VRK2: variants seen among roughly 807,000 people sequenced by gnomAD.
VRK2 encodes serine/threonine-protein kinase VRK2.
In VRK2, 60 loss-of-function variants were observed where a neutral mutation model predicts 57.6. The ratio of observed to expected loss-of-function variants is 1.04; its 90% CI spans 0.85 to 1.29. The LOEUF (loss-of-function observed/expected upper bound fraction) is 1.29, where lower values mean the gene tolerates loss of function less well. Among genes scored for constraint, VRK2 ranks in the 50% most tolerant of loss-of-function variants. The pLI, the probability that VRK2 is intolerant of heterozygous loss-of-function variation, is 0.00. For missense variants in VRK2, 705 were observed against 588.1 expected, an observed-to-expected ratio of 1.20 and a Z score of -2.06; for synonymous variants, 231 against 199.2, an observed-to-expected ratio of 1.16 and a Z score of -1.35.
chr2:57,946,603 A>C (rs555619236), intron 1 of VRK2, among the ~76,000 whole-genome samples: 1 of 152,278 alleles, frequency 6.6e-6, no homozygotes, highest in East Asian at 1.9e-4. Context: ...AAGAATCCTG[A>C]TTATCAATCA....
At chr2:57,930,392 C>G (rs1558498713) in intron 1 of VRK2, among the ~76,000 whole-genome samples, 1 of 152,160 alleles carries the variant, frequency 6.6e-6, no homozygotes, top group Non-Finnish European at 1.5e-5. Flanking sequence ...GCTCCCTCCC[C>G]CAAACACATA....
intron 1 of VRK2, among the ~76,000 whole-genome samples, chr2:57,933,972 CTATTT>C (rs1481214676): frequency 6.6e-6 from 1 of 152,100 alleles, no homozygotes; most frequent in Non-Finnish European, 1.5e-5. Context: ...GTCTAACAGT[CTATTT>C]TAGGTTGATA....
intron 1 of VRK2, among the ~76,000 whole-genome samples, chr2:57,913,318 C>T (rs991848562): frequency 3.9e-5 from 6 of 152,070 alleles, no homozygotes; most frequent in East Asian, 3.8e-4. Context: ...ATAGGGATTA[C>T]GTAAAGGTTA....
At chr2:57,918,648 C>G (rs887462351) in intron 1 of VRK2, among the ~76,000 whole-genome samples, 1 of 151,966 alleles carries the variant, frequency 6.6e-6, no homozygotes, top group African/African-American at 2.4e-5. Flanking sequence ...TAAGCAGTTC[C>G]TTTTTCAGAT....
intron 2 of VRK2, among the ~76,000 whole-genome samples, chr2:58,051,107 A>G (rs1476489826): frequency 2.6e-5 from 4 of 152,174 alleles, no homozygotes. Context: ...GGCCTCCCGA[A>G]GTGTTGGGAT....
chr2:58,092,604 G>A lies in VRK2; in HGVS notation c.543+2881G>A, dbSNP rs926658386. Among the ~76,000 whole-genome samples the A allele has an allele frequency of 3.3e-5, 5 of 152,288 alleles. 1 individual carries two copies. Among genetic ancestry groups the A allele is most frequent in the Admixed American group, 3.3e-4 (5 of 15,300 alleles). ...GGAAACTGCCAAGTTGTTTTCTGGA[G>A]TGACTGTACCATTAAACATTCCCAT... is the stretch of plus-strand genomic sequence containing the variant. On this transcript the variant is annotated intron_variant, in intron 7 of 12. Transcript: ENST00000340157.
intron 1 of VRK2, among the ~76,000 whole-genome samples, chr2:58,012,235 A>G (rs1464113258): frequency 1.3e-5 from 2 of 152,234 alleles, no homozygotes; most frequent in African/African-American, 4.8e-5. Flanking sequence ...GGCAACCAGC[A>G]GCCCTCAGGG....
rs1001973976 is a variant in VRK2, at chr2:57,935,673, A to G, written c.-439+27834A>G. The stretch of plus-strand genomic sequence containing the variant: ...TCTTCTCTGCTCTCATTCTCTCCCA[A>G]TCTTTGAACTGTGCTGATTACCTTA... On this transcript the variant is annotated intron_variant, in intron 1 of 15. Transcript: ENST00000417641. Among the ~76,000 whole-genome samples the G allele has an allele frequency of 3.3e-5, 5 of 152,034 alleles. No homozygotes were observed. In the East Asian group the frequency reaches 7.7e-4, roughly 23 times the overall value.
intron 7 of VRK2, among the ~76,000 whole-genome samples, chr2:58,110,701 C>T (rs1304708250): frequency 6.6e-6 from 1 of 152,080 alleles, no homozygotes; most frequent in East Asian, 1.9e-4. Context: ...GGGGAGGAAG[C>T]AGGATTGAAC....
At chr2:57,931,267 A>G (rs1056036486) in intron 1 of VRK2, among the ~76,000 whole-genome samples, 3 of 152,100 alleles carry the variant, frequency 2.0e-5, no homozygotes, top group Non-Finnish European at 4.4e-5. Context: ...AGTGTACAAG[A>G]GTTCCCTTTT....
intron 1 of VRK2, among the ~76,000 whole-genome samples, chr2:57,970,819 T>C (rs1437392227): frequency 6.6e-6 from 1 of 152,038 alleles, no homozygotes; most frequent in Admixed American, 6.6e-5. Context: ...TTCTCCCTTC[T>C]ACTACCATTG....
At chr2:58,037,173 C>A (rs1422970937) in intron 3 of VRK2, among the ~76,000 whole-genome samples, 2 of 151,948 alleles carry the variant, frequency 1.3e-5, no homozygotes, top group Non-Finnish European at 2.9e-5. Flanking sequence ...TGGGCTCAGG[C>A]AATCCTCCTG....
At chr2:58,030,239 C>T (rs1396443518) in intron 2 of VRK2, among the ~76,000 whole-genome samples, 1 of 152,066 alleles carries the variant, frequency 6.6e-6, no homozygotes, top group African/African-American at 2.4e-5. Flanking sequence ...TAACTTAAAA[C>T]ACTTAGCAAT....
intron 2 of VRK2, among the ~76,000 whole-genome samples, chr2:58,054,609 A>T (rs1676243955): frequency 6.6e-6 from 1 of 152,126 alleles, no homozygotes; most frequent in Non-Finnish European, 1.5e-5. Context: ...TCTTCTTTTA[A>T]GACACAGGAA....
chr2:58,046,748 G>A (rs1674798279), upstream of VRK2: 1 of 985,518 alleles, frequency 1.0e-6, no homozygotes, highest in African/African-American at 1.7e-5. Context: ...GTCCTAGGGA[G>A]GGCAGGCTCG....
chr2:57,943,536 G>C (rs1161945550), intron 1 of VRK2, among the ~76,000 whole-genome samples: 1 of 152,170 alleles, frequency 6.6e-6, no homozygotes, highest in East Asian at 1.9e-4. Flanking sequence ...TAAGGACAAA[G>C]TTTGCCACTG....
chr2:58,026,076 T>A (rs978835115), intron 2 of VRK2, among the ~76,000 whole-genome samples: 53 of 152,318 alleles, frequency 3.5e-4, no homozygotes, highest in African/African-American at 1.2e-3. Context: ...ATACTTCAAC[T>A]ATTCCAAGTC....
chr2:58,000,369 C>G (rs1673054293), intron 1 of VRK2, among the ~76,000 whole-genome samples: 1 of 152,114 alleles, frequency 6.6e-6, no homozygotes. Flanking sequence ...GTGAAAAACT[C>G]CAGAATTATT....
At chr2:58,064,161 G>T (rs986705330) in intron 2 of VRK2, among the ~76,000 whole-genome samples, 4 of 152,108 alleles carry the variant, frequency 2.6e-5, no homozygotes, top group Non-Finnish European at 4.4e-5. Flanking sequence ...AATGACAGCA[G>T]AGTTTTAGAG....
Sources: allele counts gnomAD v4.1 joint callset (sites outside exome capture counted in the v4.1 genomes callset), GRCh38; gene constraint gnomAD v4.1.1; transcripts MANE v1.5; gene names NCBI Gene and HGNC (gene_info 2026-07-23, HGNC 2026-07-21).